The following ECI1 variants were observed in gnomAD, a reference collection of about 807,000 sequenced individuals.
The protein encoded by ECI1 is enoyl-CoA delta isomerase 1, mitochondrial.
In ECI1, 34 loss-of-function variants were observed where a neutral mutation model predicts 34.2. The observed-to-expected ratio is 1.00, with a 90% CI of 0.76 to 1.33. The LOEUF (loss-of-function observed/expected upper bound fraction) is 1.33. ECI1 is among the 40% of genes most tolerant of loss of function. ECI1 has a pLI of 0.00. For missense variants in ECI1, 456 were observed against 422.2 expected (o/e 1.08, Z -0.70); for synonymous variants, 211 against 193.0 (o/e 1.09, Z -0.77).
At chr16:2,240,356 C>T (rs1266646391) in intron 6 of ECI1, 16 of 527,406 alleles carry the variant, frequency 3.0e-5, no homozygotes, top group African/African-American at 9.7e-5. Flanking sequence ...GGATTACAAC[C>T]GTGTGCCACC....
intron 4 of ECI1, 140 bp downstream of exon 4, chr16:2,244,266 G>C: frequency 9.7e-7 from 1 of 1,034,332 alleles, no homozygotes; most frequent in Admixed American, 2.0e-5. Flanking sequence ...CTGCGATGGC[G>C]CTCACCTGTG....
chr16:2,246,200 G>A (rs762982450), intron 3 of ECI1, among the ~76,000 whole-genome samples: 9 of 152,180 alleles, frequency 5.9e-5, no homozygotes, highest in Non-Finnish European at 1.3e-4. Context: ...CAGATGACAC[G>A]CCTAGCGTTC....
intron 6 of ECI1, 114 bp downstream of exon 6, chr16:2,242,932 T>G: frequency 2.4e-6 from 2 of 841,334 alleles, no homozygotes; most frequent in Non-Finnish European, 3.9e-6. Flanking sequence ...GACACCCACA[T>G]GGCTGTGATT....
In ECI1 at chr16:2,242,823, C is replaced by G. The variant is rs971298170; in HGVS notation, c.742+223G>C. On this transcript the variant is annotated intron_variant, in intron 6 of 6. Transcript: ENST00000301729. ...AACGCAGGGAGGAAGTGCAGTCCTG[C>G]CCACACTTTGATTTTGCACCTCTGG... 4 of 599,384 alleles carry G rather than the reference C, an allele frequency of 6.7e-6. No homozygotes were observed. The Admixed American group carries it at 8.0e-5, about 12-fold the overall frequency. 37.1% of individuals were successfully genotyped at this position (599,384 alleles called of 1,614,324 possible). A position where few individuals can be genotyped will look rare whatever the true frequency, so the allele number is the denominator to read the frequency against.
rs542304564 is a variant in ECI1, at chr16:2,247,053, C to T, written c.167-67G>A. On this transcript the variant is annotated intron_variant, in intron 2 of 6. Transcript: ENST00000301729. ...GGAAAAGCAGCCTGACCAGCCTGCACCCTCAACTAAGCCATGATAGCTGTG... is the reference window on the plus strand; with the variant it reads ...GGAAAAGCAGCCTGACCAGCCTGCATCCTCAACTAAGCCATGATAGCTGTG... 3.2e-6 allele frequency: 5 copies of T among 1,568,878 alleles called. No homozygotes were observed. In the Admixed American group the frequency reaches 8.5e-5, roughly 27 times the overall value.
chr16:2,244,243 C>T, intron 4 of ECI1, 163 bp downstream of exon 4: 1 of 847,936 alleles, frequency 1.2e-6, no homozygotes, highest in South Asian at 1.6e-5. Flanking sequence ...CCTTTCTCAA[C>T]ACGCCCCGTG....
intron 2 of ECI1, among the ~76,000 whole-genome samples, chr16:2,250,099 T>C (rs2093549644): frequency 6.8e-6 from 1 of 147,722 alleles, no homozygotes; most frequent in African/African-American, 2.5e-5. Context: ...AGAAACTCAG[T>C]TTTTACAAAA....
intron 3 of ECI1, among the ~76,000 whole-genome samples, chr16:2,245,671 G>A (rs2093538697): frequency 6.6e-6 from 1 of 151,984 alleles, no homozygotes; most frequent in South Asian, 2.1e-4. Flanking sequence ...TTCAAGACCA[G>A]CCTGGGCAAC....
chr16:2,247,008 G>C, intron 2 of ECI1, 22 bp from the exon 3 acceptor site: 1 of 1,610,978 alleles, frequency 6.2e-7, no homozygotes, highest in East Asian at 2.2e-5. Context: ...AATGAGAAGA[G>C]AAAGCTCACA....
rs1460153936 is a variant in ECI1, at chr16:2,243,402, G to C, written c.479C>G (p.Thr160Ser). 6.2e-7 allele frequency: 1 copy of C among 1,613,424 alleles called. No homozygotes were observed. The highest frequency in any genetic ancestry group is 1.3e-5 in the African/African-American group (1 of 74,946). The change falls in exon 5 of 7, where the codon ACC becomes AGC. Residue 160 changes from threonine to serine, a missense_variant. Coordinates refer to ENST00000301729, the MANE Select transcript of ECI1 (RefSeq NM_001919.4). ...CPAGGCLVALTCDYRILADNP... is the reference protein window; with the variant it reads ...CPAGGCLVALSCDYRILADNP... ...GTCCGCCAGGATGCGGTAGTCACAGGTCAGGGCCACCAGGCAGCCTCCAGC... is the reference window on the plus strand; with the variant it reads ...GTCCGCCAGGATGCGGTAGTCACAGCTCAGGGCCACCAGGCAGCCTCCAGC...
chr16:2,244,884 TGTG>T (rs1351561957), intron 3 of ECI1, among the ~76,000 whole-genome samples: 14 of 151,926 alleles, frequency 9.2e-5, no homozygotes, highest in African/African-American at 3.4e-4. Context: ...AACCCAGAGG[TGTG>T]GTGAAGACTC....
chr16:2,250,586 C>T (rs1206536310), intron 2 of ECI1, among the ~76,000 whole-genome samples: 1 of 152,182 alleles, frequency 6.6e-6, no homozygotes, highest in Non-Finnish European at 1.5e-5. Flanking sequence ...CGTGCCCTCT[C>T]GGTGCCCTCA....
chr16:2,246,064 C>A (rs1264084915), intron 3 of ECI1, among the ~76,000 whole-genome samples: 1 of 152,126 alleles, frequency 6.6e-6, no homozygotes, highest in Admixed American at 6.5e-5. Context: ...TAAAGCCACG[C>A]CAGCCTCCGA....
At chr16:2,245,074 C>T (rs4018440) in intron 3 of ECI1, among the ~76,000 whole-genome samples, 7,908 of 152,214 alleles carry the variant, frequency 0.052, 232 homozygotes, top group South Asian at 0.07. Flanking sequence ...GGGACCCTCC[C>T]ACGGCTGGAG....
In ECI1 at chr16:2,239,963, T is replaced by C. The variant is rs2093523753; in HGVS notation, c.*16A>G. The C allele has an allele frequency of 1.9e-6, 3 of 1,613,482 alleles. No homozygotes were observed. The highest frequency in any genetic ancestry group is 2.5e-6 in the Non-Finnish European group (3 of 1,179,926). On this transcript the variant is annotated 3_prime_UTR_variant, in exon 7 of 7. Transcript: ENST00000301729. ...ACAGGGGCACGTGTGGCCGTAAGCC[T>C]GTGGCAGCCCAATCGTTAGCCTTTT...
Position 2,251,561 on chromosome 16 carries a change from C to A in ECI1, c.6G>T (p.Ala2=). M[A]LVASVRVPAR... The stretch of plus-strand genomic sequence containing the variant: ...CCGGGACTCGCACAGAAGCCACCAG[C>A]GCCATCTTGACCGCAACGCGCGGGA... The change falls in exon 1 of 7, where the codon GCG becomes GCT. Residue 2 remains alanine, a synonymous_variant. Transcript: ENST00000301729. 3 of 1,557,472 alleles carry A rather than the reference C, an allele frequency of 1.9e-6. No individual in the cohort carries two copies. The highest frequency in any genetic ancestry group is 2.6e-6 in the Non-Finnish European group (3 of 1,151,552).
chr16:2,248,595 G>C (rs963573031), intron 2 of ECI1, among the ~76,000 whole-genome samples: 16 of 151,568 alleles, frequency 1.1e-4, no homozygotes, highest in Admixed American at 9.9e-4. Context: ...TGCATTTTTA[G>C]TAGAGACGGG....
In ECI1 at chr16:2,240,156, T is replaced by C. The variant is rs767447036; in HGVS notation, c.743-11A>G. On this transcript the variant is annotated splice_polypyrimidine_tract_variant and intron_variant, in intron 6 of 6. Transcript: ENST00000301729. ...GCTGTCGAGCATGGTCTAAAGAGAA[T>C]GGGACGTGCCACTGAAATCCCACTT... The C allele has an allele frequency of 2.5e-6, 4 of 1,613,010 alleles. No individual in the cohort carries two copies. The highest frequency in any genetic ancestry group is 1.1e-5 in the South Asian group (1 of 91,066).
In ECI1 at chr16:2,240,071, C is replaced by T. The variant is rs774997670; in HGVS notation, c.817G>A (p.Asp273Asn). 1.2e-6 allele frequency: 2 copies of T among 1,614,024 alleles called. No homozygotes were observed. The highest frequency in any genetic ancestry group is 1.7e-6 in the Non-Finnish European group (2 of 1,180,048). The change falls in exon 7 of 7, where the codon GAC (aspartate) becomes AAC (asparagine). Residue 273 changes from aspartate (D) to asparagine (N), a missense_variant. Coordinates refer to ENST00000301729, the MANE Select transcript of ECI1 (RefSeq NM_001919.4). ...ATGAAGCTGACGAAGTTCTGCACGTCCGCATCGCGCTGCGTGACCAGGCGG... is the reference window on the plus strand; with the variant it reads ...ATGAAGCTGACGAAGTTCTGCACGTTCGCATCGCGCTGCGTGACCAGGCGG... ...ASRLVTQRDA[D>N]VQNFVSFISK...
Sources: gnomAD v4.1 joint callset for allele counts (sites outside exome capture counted in the v4.1 genomes callset) on GRCh38, gnomAD v4.1.1 for gene constraint, MANE v1.5 for transcripts, NCBI Gene and HGNC (gene_info 2026-07-23, HGNC 2026-07-21) for gene names.